The following PPM1A variants were observed in gnomAD, a reference collection of about 807,000 sequenced individuals.
The protein encoded by PPM1A is protein phosphatase, Mg2+/Mn2+ dependent 1A.
Under a neutral mutation model 35.0 loss-of-function variants are expected in PPM1A, and 7 were observed. The ratio of observed to expected loss-of-function variants is 0.20; its 90% confidence interval spans 0.11 to 0.38. PPM1A has a LOEUF of 0.38. Among genes scored for constraint, PPM1A ranks in the 10% least tolerant of loss-of-function variants. PPM1A has a pLI of 1.00. For missense variants in PPM1A, 239 were observed against 467.8 expected (o/e 0.51, Z 4.51); for synonymous variants, 153 against 167.3 (o/e 0.91, Z 0.66).
In PPM1A at chr14:60,285,675, A is replaced by G. The variant is rs1886935016; in HGVS notation, c.886A>G (p.Lys296Glu). Residue 296 changes from lysine to glutamate, a missense_variant, in exon 3 of 6, where the codon AAA (lysine) becomes GAA (glutamate). Transcript: ENST00000395076. ...TTTGATCTGTTTTCCAAATGCACCC[A>G]AAGTATCGCCAGAAGCAGTGAAGAA... ...VILICFPNAP[K>E]VSPEAVKKEA... 3 of 1,614,098 alleles carry G rather than the reference A, an allele frequency of 1.9e-6. No homozygotes were observed. The highest frequency in any genetic ancestry group is 2.5e-6 in the Non-Finnish European group (3 of 1,179,976).
At chr14:60,256,516 G>T (rs183200752) in intron 1 of PPM1A, among the ~76,000 whole-genome samples, 9 of 152,100 alleles carry the variant, frequency 5.9e-5, no homozygotes, top group Admixed American at 5.2e-4. Flanking sequence ...AGTCAGTGCC[G>T]GCTTAGATCC....
At chr14:60,246,547 C>G (rs887871903), upstream of PPM1A, among the ~76,000 whole-genome samples, 15 of 152,142 alleles carry the variant, frequency 9.9e-5, no homozygotes, top group African/African-American at 3.4e-4. Flanking sequence ...CCACTAAAAT[C>G]TTACTGTGAA....
rs976111360 is a variant in PPM1A at position 60,283,209 on chromosome 14, C to T, written c.506C>T (p.Pro169Leu). 1.9e-6 allele frequency: 3 copies of T among 1,614,154 alleles called. No homozygotes were observed. Among genetic ancestry groups the T allele is most frequent in the Non-Finnish European group, 2.5e-6 (3 of 1,180,036 alleles). The change falls in exon 2 of 6, where the codon CCG becomes CTG. Residue 169 changes from proline to leucine, a missense_variant. Pro to Leu is a moderately conservative substitution (Grantham distance 98). This residue lies in a region of PPM1A where 175 missense variants were observed against 389.2 expected (regional missense o/e 0.45). Coordinates refer to ENST00000395076, the MANE Select transcript of PPM1A (RefSeq NM_021003.5). This position sits in a 1 kb window ranked among gnomAD's most constrained non-coding sequence, Gnocchi z 6.3. ...ACACAAGATCACAAACCAAGTAATCCGCTGGAGAAAGAACGAATTCAGAAT... is the reference window on the plus strand; with the variant it reads ...ACACAAGATCACAAACCAAGTAATCTGCTGGAGAAAGAACGAATTCAGAAT... ...FFTQDHKPSNPLEKERIQNAG... is the reference protein window; with the variant it reads ...FFTQDHKPSNLLEKERIQNAG...
intron 1 of PPM1A, among the ~76,000 whole-genome samples, chr14:60,271,607 G>A (rs1379463576): frequency 6.6e-6 from 1 of 152,166 alleles, no homozygotes; most frequent in African/African-American, 2.4e-5. Flanking sequence ...CTAGGGACTC[G>A]AGAATGCATG....
At chr14:60,254,891 C>T (rs555652529) in intron 1 of PPM1A, among the ~76,000 whole-genome samples, 1 of 152,280 alleles carries the variant, frequency 6.6e-6, no homozygotes, top group Non-Finnish European at 1.5e-5. Context: ...TGACACTTTC[C>T]ATGATTGGAC....
Position 60,249,463 on chromosome 14 carries a change from CG to C in PPM1A, c.-233del, listed in dbSNP as rs1882051401. The stretch of plus-strand genomic sequence containing the variant: ...GCTCTCTGCCTCCCTCTCCAACGCC[CG>C]GATGATCTGAGCCGCGAGGGCGCCG... On this transcript the variant is annotated 5_prime_UTR_variant, in exon 1 of 6. It introduces an in-frame stop codon into an upstream open reading frame of the 5' UTR. Transcript: ENST00000395076. The surrounding 1 kb of genome is among the most constrained non-coding windows in gnomAD (Gnocchi z 4.5). 1.0e-6 allele frequency: 1 copy of C among 985,554 alleles called. No individual in the cohort carries two copies. The highest frequency in any genetic ancestry group is 1.7e-5 in the African/African-American group (1 of 57,166). 61.1% of individuals were successfully genotyped at this position (985,554 alleles called of 1,614,324 possible). A position where few individuals can be genotyped will look rare whatever the true frequency, so the allele number is the denominator to read the frequency against.
intron 3 of PPM1A, chr14:60,287,942 A>G: frequency 1.0e-6 from 1 of 985,282 alleles, no homozygotes; most frequent in Admixed American, 6.1e-5. Context: ...GTTTGTGTAT[A>G]TGTATGTGAA....
intron 3 of PPM1A, among the ~76,000 whole-genome samples, chr14:60,288,950 A>G (rs1163938683): frequency 6.6e-6 from 1 of 152,130 alleles, no homozygotes; most frequent in East Asian, 1.9e-4. Flanking sequence ...TTAGAGGAAT[A>G]GTTGTAGAGT....
chr14:60,269,382 C>T (rs117800202), intron 1 of PPM1A, among the ~76,000 whole-genome samples: 3 of 152,220 alleles, frequency 2.0e-5, no homozygotes, highest in Non-Finnish European at 4.4e-5. Context: ...TTCATGTCTT[C>T]TTATTGCGTT....
chr14:60,252,659 T>C (rs1261635049), intron 1 of PPM1A, among the ~76,000 whole-genome samples: 2 of 152,226 alleles, frequency 1.3e-5, no homozygotes, highest in African/African-American at 4.8e-5. Flanking sequence ...GTTATTTTGC[T>C]ATTAGCCAAG....
intron 1 of PPM1A, among the ~76,000 whole-genome samples, chr14:60,252,880 A>G (rs549412092): frequency 2.6e-5 from 4 of 152,180 alleles, no homozygotes; most frequent in Non-Finnish European, 5.9e-5. Context: ...TGTCCTGGCT[A>G]TCCATGTACT....
intron 1 of PPM1A, among the ~76,000 whole-genome samples, chr14:60,271,978 C>A (rs1161993762): frequency 1.3e-5 from 2 of 151,644 alleles, no homozygotes; most frequent in Non-Finnish European, 2.9e-5. Context: ...AAGGACTTGT[C>A]CAGTATCGCA....
rs1888197688 is a variant in PPM1A, at chr14:60,298,077, T to C, written c.*5595T>C. ...AATATACTTTTTAAAAAATATTATA[T>C]TTGGGGTGGGGAAAGTGATTAAAAG... On this transcript the variant is annotated 3_prime_UTR_variant, in exon 6 of 6. Coordinates refer to ENST00000395076, the MANE Select transcript of PPM1A (RefSeq NM_021003.5). 1 of 151,486 alleles carries C rather than the reference T, an allele frequency of 6.6e-6. No homozygotes were observed. The highest frequency in any genetic ancestry group is 1.5e-5 in the Non-Finnish European group (1 of 67,644). The allele number at this position is 151,486 out of a possible 1,614,324, so 9.4% of individuals were successfully genotyped here.
At position 60,283,613 on chromosome 14, in the gene PPM1A, G is replaced by A. The variant is rs1196242302; in HGVS notation, c.834+76G>A. ...ACTACTCTAGTATTTAATCATCTTA[G>A]AATCTGTAATTCTGAAACCAGTTTT... On this transcript the variant is annotated intron_variant, in intron 2 of 5. Transcript: ENST00000395076. The surrounding 1 kb of genome is among the most constrained non-coding windows in gnomAD (Gnocchi z 6.3). 3 of 1,446,594 alleles carry A rather than the reference G, an allele frequency of 2.1e-6. No individual in the cohort carries two copies. The highest frequency in any genetic ancestry group is 2.8e-6 in the Non-Finnish European group (3 of 1,082,832). 89.6% of individuals were successfully genotyped at this position (1,446,594 alleles called of 1,614,324 possible).
rs927744394 is a variant in PPM1A, at chr14:60,294,504, T to C, written c.*2022T>C. ...TTAATGAATACCAGTGCTTCTAGTA[T>C]AGACTAATTACCAGACATACTGGTA... On this transcript the variant is annotated 3_prime_UTR_variant, in exon 6 of 6. Coordinates refer to ENST00000395076, the MANE Select transcript of PPM1A (RefSeq NM_021003.5). 6.6e-6 allele frequency: 1 copy of C among 151,914 alleles called. No individual in the cohort carries two copies. Among genetic ancestry groups the C allele is most frequent in the African/African-American group, 2.4e-5 (1 of 41,412 alleles). 9.4% of individuals were successfully genotyped at this position (151,914 alleles called of 1,614,324 possible).
rs1230072493 is a variant in PPM1A at position 60,249,850 on chromosome 14, G to T, written c.-21+173G>T. The stretch of plus-strand genomic sequence containing the variant: ...GGCCTCCTCCCCCGAGCCGGGCGGC[G>T]GACGGCGAGGGGTTAACGCTCGGCG... On this transcript the variant is annotated intron_variant, in intron 1 of 5. Coordinates refer to ENST00000395076, the MANE Select transcript of PPM1A (RefSeq NM_021003.5). This position sits in a 1 kb window ranked among gnomAD's most constrained non-coding sequence, Gnocchi z 4.5. Among the ~76,000 whole-genome samples the T allele has an allele frequency of 6.6e-6, 1 of 151,472 alleles. No individual in the cohort carries two copies. Among genetic ancestry groups the T allele is most frequent in the Non-Finnish European group, 1.5e-5 (1 of 67,770 alleles).
upstream of PPM1A, among the ~76,000 whole-genome samples, chr14:60,248,965 G>T (rs114589245): frequency 6.6e-6 from 1 of 152,176 alleles, no homozygotes; most frequent in African/African-American, 2.4e-5. Context: ...CTTCGGCCTG[G>T]TGCTCCAGGC....
upstream of PPM1A, chr14:60,248,649 G>C (rs1332105884): frequency 6.6e-6 from 1 of 151,980 alleles, no homozygotes; most frequent in Non-Finnish European, 1.5e-5. Context: ...CCATGGGTTC[G>C]AAGGGCAGCG....
upstream of PPM1A, among the ~76,000 whole-genome samples, chr14:60,246,980 AAGAT>A (rs1195089852): frequency 1.3e-5 from 2 of 152,224 alleles, no homozygotes; most frequent in East Asian, 1.9e-4. Context: ...AGGAAGCAGA[AAGAT>A]AGGCAGGCAT....
Sources: gnomAD v4.1 joint callset for allele counts (sites outside exome capture counted in the v4.1 genomes callset) on GRCh38, gnomAD v4.1.1 for gene constraint, gnomAD v4.1.1 regional missense constraint, Gnocchi (gnomAD v3.1) non-coding constraint, MANE v1.5 for transcripts, NCBI Gene and HGNC (gene_info 2026-07-23, HGNC 2026-07-21) for gene names.